SLIT1: variants seen among roughly 807,000 people sequenced by gnomAD.
SLIT1 encodes slit guidance ligand 1, also known as slit homolog 1 protein.
Under a neutral mutation model 186.1 loss-of-function variants are expected in SLIT1, and 66 were observed. The observed-to-expected ratio is 0.35, with a 90% confidence interval of 0.29 to 0.44. The LOEUF (loss-of-function observed/expected upper bound fraction) is 0.44, where lower values mean the gene tolerates loss of function less well. SLIT1 is among the 20% of genes least tolerant of loss of function. SLIT1 has a pLI of 1.00. For missense variants in SLIT1, 1,638 were observed against 2,037.4 expected (o/e 0.80, Z 3.77); for synonymous variants, 761 against 833.8 (o/e 0.91, Z 1.50).
rs765692536 is a variant in SLIT1, at chr10:96,999,948, T to G, written c.*1164A>C. On this transcript the variant is annotated 3_prime_UTR_variant, in exon 37 of 37. Coordinates refer to ENST00000266058, the MANE Select transcript of SLIT1 (RefSeq NM_003061.3). ...CAATGTAGATAGATAGATAGATAGA[T>G]AGGTCTTCTAACTCCTCTGGCCTCC... is the stretch of plus-strand genomic sequence containing the variant. 2.6e-5 allele frequency: 4 copies of G among 152,224 alleles called. No homozygotes were observed. The highest frequency in any genetic ancestry group is 5.9e-5 in the Non-Finnish European group (4 of 68,074). The allele number at this position is 152,224 out of a possible 1,614,324, so 9.4% of individuals were successfully genotyped here.
rs192025426 is a variant in SLIT1 at position 97,032,397 on chromosome 10, C to T, written c.2439-720G>A. Among the ~76,000 whole-genome samples, 44 of 152,046 alleles carry T rather than the reference C, an allele frequency of 2.9e-4. 1 individual carries two copies. The highest frequency in any genetic ancestry group is 8.2e-4 in the African/African-American group (34 of 41,488). On this transcript the variant is annotated intron_variant, in intron 23 of 36. Coordinates refer to ENST00000266058, the MANE Select transcript of SLIT1 (RefSeq NM_003061.3). ...CAGCCTGACCGACATGGCAAAACCC[C>T]GTCTCTCCTAAAAATACAAATATTA... is the stretch of plus-strand genomic sequence containing the variant.
At chr10:97,051,534 G>A (rs1186956254) in intron 13 of SLIT1, among the ~76,000 whole-genome samples, 4 of 152,160 alleles carry the variant, frequency 2.6e-5, no homozygotes, top group East Asian at 1.9e-4. Context: ...TGAAAATGTC[G>A]GGCGCGGTGG....
intron 14 of SLIT1, 103 bp downstream of exon 14, chr10:97,048,852 T>TAGGTGGAC (rs143988920): frequency 0.95 from 988,897 of 1,043,928 alleles, 471,542 homozygotes; most frequent in East Asian, 1. Flanking sequence ...AGCAGGCGGG[T>TAGGTGGAC]AGGTGGGCAG....
At chr10:97,098,755 A>C (rs1849318143) in intron 4 of SLIT1, among the ~76,000 whole-genome samples, 1 of 152,190 alleles carries the variant, frequency 6.6e-6, no homozygotes. Flanking sequence ...AGGGCAGAGG[A>C]GAGTCCCTCA....
intron 4 of SLIT1, among the ~76,000 whole-genome samples, chr10:97,136,612 A>G (rs1214697111): frequency 6.6e-6 from 1 of 152,170 alleles, no homozygotes; most frequent in Admixed American, 6.5e-5. Flanking sequence ...AAAACAAACC[A>G]TCTCTGCCCG....
intron 4 of SLIT1, among the ~76,000 whole-genome samples, chr10:97,122,518 G>A (rs929172390): frequency 2.6e-5 from 4 of 152,156 alleles, no homozygotes; most frequent in Admixed American, 2.0e-4. Flanking sequence ...TTTCAGCTGA[G>A]ACCCGGAGGA....
intron 4 of SLIT1, chr10:97,157,266 A>G (rs1476311079): frequency 6.6e-6 from 1 of 152,326 alleles, no homozygotes; most frequent in East Asian, 1.9e-4. Context: ...TTACAGACAC[A>G]TGTGGCAAAT....
At chr10:97,011,942 G>T (rs552241007) in intron 30 of SLIT1, among the ~76,000 whole-genome samples, 1 of 152,202 alleles carries the variant, frequency 6.6e-6, no homozygotes, top group South Asian at 2.1e-4. Flanking sequence ...CAGTCCCCTT[G>T]TCTGATCGCC....
At chr10:97,053,663 C>T (rs1037662561) in intron 13 of SLIT1, among the ~76,000 whole-genome samples, 8 of 152,198 alleles carry the variant, frequency 5.3e-5, no homozygotes, top group African/African-American at 1.9e-4. Context: ...ACAGAACCCA[C>T]AAGTCAGCAC....
At chr10:97,030,860 C>A in intron 24 of SLIT1, 32 bp from the exon 25 acceptor site, 2 of 1,592,902 alleles carry the variant, frequency 1.3e-6, no homozygotes, top group South Asian at 2.2e-5. Context: ...GGTGCCTTAT[C>A]CAGGGACAGA....
intron 4 of SLIT1, among the ~76,000 whole-genome samples, chr10:97,139,728 G>T (rs186307458): frequency 6.6e-6 from 1 of 152,172 alleles, no homozygotes; most frequent in Non-Finnish European, 1.5e-5. Context: ...TAGAAATGGC[G>T]TGCAGAGTTC....
intron 22 of SLIT1, among the ~76,000 whole-genome samples, chr10:97,036,293 C>T (rs1848637876): frequency 6.6e-6 from 1 of 152,172 alleles, no homozygotes; most frequent in South Asian, 2.1e-4. Context: ...GTACTTCAGC[C>T]CCCAAGAGGC....
At chr10:97,168,551 T>C (rs1850149026) in intron 1 of SLIT1, among the ~76,000 whole-genome samples, 1 of 152,218 alleles carries the variant, frequency 6.6e-6, no homozygotes, top group South Asian at 2.1e-4. Context: ...CACTGTGTGT[T>C]CTCCACTTAA....
chr10:97,173,270 CT>C (rs1049800554), intron 1 of SLIT1, among the ~76,000 whole-genome samples: 2 of 152,214 alleles, frequency 1.3e-5, no homozygotes, highest in African/African-American at 4.8e-5. Flanking sequence ...GGGCAGGTCC[CT>C]TCCATGGGGC....
chr10:97,024,805 G>A (rs917830802), intron 25 of SLIT1, among the ~76,000 whole-genome samples: 2 of 152,154 alleles, frequency 1.3e-5, no homozygotes, highest in Non-Finnish European at 2.9e-5. Context: ...AAGATGATTG[G>A]GAATGCTTTA....
chr10:97,014,800 A>T (rs1417120007), intron 28 of SLIT1, among the ~76,000 whole-genome samples: 3 of 150,762 alleles, frequency 2.0e-5, no homozygotes, highest in African/African-American at 7.3e-5. Flanking sequence ...TGTGAGGTGG[A>T]GGTTATAGTT....
In SLIT1 at chr10:97,164,931, G is replaced by A. The variant is rs760403491; in HGVS notation, c.198-41C>T. On this transcript the variant is annotated intron_variant, in intron 1 of 36. Coordinates refer to ENST00000266058, the MANE Select transcript of SLIT1 (RefSeq NM_003061.3). ...GAGAAGGAAGCAGTGGGGTGAGCAGGGTAAGCCCCCAGGCCAGGGGCCCTG... is the reference window on the plus strand; with the variant it reads ...GAGAAGGAAGCAGTGGGGTGAGCAGAGTAAGCCCCCAGGCCAGGGGCCCTG... 2.0e-5 allele frequency: 31 copies of A among 1,515,694 alleles called. 1 individual carries two copies. The South Asian group carries it at 3.1e-4, about 15-fold the overall frequency. 93.9% of individuals were successfully genotyped at this position (1,515,694 alleles called of 1,614,324 possible).
Position 97,103,574 on chromosome 10 carries a change from C to T in SLIT1, c.414-37488G>A, listed in dbSNP as rs961587662. On this transcript the variant is annotated intron_variant, in intron 4 of 36. Transcript: ENST00000266058. Reference sequence around the variant, plus strand: ...TCAGACTCCTTTTTTCTTCTCTAAACGTTTATTTTAGCACATCTGAAAAGC... The same window carrying T: ...TCAGACTCCTTTTTTCTTCTCTAAATGTTTATTTTAGCACATCTGAAAAGC... The T allele has an allele frequency of 3.3e-5, 5 of 152,314 alleles. No individual in the cohort carries two copies. In the South Asian group the frequency reaches 8.3e-4, roughly 25 times the overall value. 9.4% of individuals were successfully genotyped at this position (152,314 alleles called of 1,614,324 possible).
In SLIT1 at chr10:97,185,632, G is replaced by A. The variant is rs375276519; in HGVS notation, c.43C>T (p.Arg15Trp). The A allele has an allele frequency of 7.1e-4, 1,101 of 1,543,280 alleles. 1 individual carries two copies. Among genetic ancestry groups the A allele is most frequent in the Non-Finnish European group, 9.0e-4 (1,034 of 1,146,378 alleles). ...CACAGCAGCAGCCAGAGCTCCGGCC[G>A]GACCGGCCCCGCCGAGGACCCCCAC... ...PGWGSSAGPV[R>W]PELWLLLWAA... is the part of the protein sequence containing the mutation. Residue 15 changes from arginine to tryptophan, a missense_variant, in exon 1 of 37, where the codon CGG becomes TGG. Physicochemically the swap from Arg to Trp is moderately radical, Grantham distance 101. Coordinates refer to ENST00000266058, the MANE Select transcript of SLIT1 (RefSeq NM_003061.3).
Sources: gnomAD v4.1 joint callset for allele counts (sites outside exome capture counted in the v4.1 genomes callset) on GRCh38, gnomAD v4.1.1 for gene constraint, MANE v1.5 for transcripts, NCBI Gene and HGNC (gene_info 2026-07-23, HGNC 2026-07-21) for gene names.